The following KDM6A variants were observed in gnomAD, a reference collection of about 807,000 sequenced individuals.
KDM6A encodes lysine demethylase 6A, also known as lysine-specific demethylase 6A.
Under a neutral mutation model 117.6 loss-of-function variants are expected in KDM6A, and 11 were observed. That is an observed-to-expected ratio of 0.09 (90% CI 0.06 to 0.15). The LOEUF is 0.15. Ranked by LOEUF, KDM6A falls within the 10% of genes least tolerant of loss-of-function variation. The probability of loss-of-function intolerance (pLI) is 1.00; values close to 1 mark genes in which losing one functional copy is unlikely to be tolerated. For missense variants in KDM6A, 799 were observed against 1,077.3 expected, an observed-to-expected ratio of 0.74 and a Z score of 3.62; for synonymous variants, 384 against 396.1, an observed-to-expected ratio of 0.97 and a Z score of 0.36.
Position 44,888,442 on chromosome X carries a change from G to T in KDM6A, c.225+14455G>T, listed in dbSNP as rs188080238. Among the ~76,000 whole-genome samples, 7 of 112,500 alleles carry T rather than the reference G, an allele frequency of 6.2e-5. No individual in the cohort carries two copies. In the East Asian group the frequency reaches 1.7e-3, roughly 27 times the overall value. On this transcript the variant is annotated intron_variant, in intron 2 of 29. Transcript: ENST00000611820. ...TAGGAATTTCCAAAATGACTGTATA[G>T]CACCACAATTTTGTAGCTAGTTTTT... is the stretch of plus-strand genomic sequence containing the variant.
chrX:44,898,135 A>G (rs1255353377), intron 2 of KDM6A, among the ~76,000 whole-genome samples: 2 of 111,546 alleles, frequency 1.8e-5, no homozygotes, highest in African/African-American at 3.3e-5. Flanking sequence ...CTGACGGGCC[A>G]TGCTGCCTCA....
At chrX:45,077,621 G>A (rs1298606177) in intron 19 of KDM6A, among the ~76,000 whole-genome samples, 1 of 109,795 alleles carries the variant, frequency 9.1e-6, no homozygotes, top group Admixed American at 9.7e-5. Context: ...GGAAGCACTG[G>A]GATAGACATG....
chrX:44,914,986 A>G (rs2035461096), intron 2 of KDM6A, among the ~76,000 whole-genome samples: 1 of 111,144 alleles, frequency 9.0e-6, no homozygotes, highest in African/African-American at 3.3e-5. Context: ...CTACATTTAC[A>G]TTCTGTGTTG....
At chrX:44,881,823 C>G (rs73488821) in intron 2 of KDM6A, among the ~76,000 whole-genome samples, 23,686 of 108,516 alleles carry the variant, frequency 0.22, 4,328 homozygotes, top group African/African-American at 0.61. Flanking sequence ...GAGTAGCTGA[C>G]ATTACAGGTG....
At chrX:45,092,390 C>T (rs2045927312) in intron 27 of KDM6A, among the ~76,000 whole-genome samples, 1 of 111,668 alleles carries the variant, frequency 9.0e-6, no homozygotes, top group Non-Finnish European at 1.9e-5. Context: ...ATAGTAATCT[C>T]ATCTGTATTC....
chrX:44,979,977 A>ATTTTTTT (rs1310004295), intron 4 of KDM6A, among the ~76,000 whole-genome samples: 2 of 90,772 alleles, frequency 2.2e-5, no homozygotes, highest in Admixed American at 1.3e-4. Context: ...TCCCTGTATT[A>ATTTTTTT]TTTTTTTCTT....
At chrX:44,911,471 C>T (rs1202203003) in intron 2 of KDM6A, among the ~76,000 whole-genome samples, 7 of 109,536 alleles carry the variant, frequency 6.4e-5, no homozygotes, top group African/African-American at 1.0e-4. Flanking sequence ...AGACGATGGG[C>T]GGCCAGGCAG....
chrX:44,933,520 G>C (rs2036790028), intron 2 of KDM6A, among the ~76,000 whole-genome samples: 2 of 107,568 alleles, frequency 1.9e-5, no homozygotes, highest in African/African-American at 6.8e-5. Context: ...TGATCCGCTA[G>C]TCTCAGCCTC....
chrX:44,951,236 A>G (rs1034629946), intron 2 of KDM6A, among the ~76,000 whole-genome samples: 2 of 111,615 alleles, frequency 1.8e-5, no homozygotes, highest in African/African-American at 6.5e-5. Context: ...CGAGTGTTCA[A>G]TTTCCTTAGG....
At chrX:44,921,913 A>G (rs1248067744) in intron 2 of KDM6A, among the ~76,000 whole-genome samples, 1 of 108,271 alleles carries the variant, frequency 9.2e-6, no homozygotes, top group Admixed American at 1.0e-4. Context: ...ATTCCTACTA[A>G]CAATGTATGA....
chrX:44,912,886 T>C (rs2035298840), intron 2 of KDM6A, among the ~76,000 whole-genome samples: 1 of 112,484 alleles, frequency 8.9e-6, no homozygotes, highest in Non-Finnish European at 1.9e-5. Context: ...TACATGATTG[T>C]GCTAAGAATA....
intron 2 of KDM6A, among the ~76,000 whole-genome samples, chrX:44,909,103 C>T (rs896722650): frequency 9.0e-6 from 1 of 111,526 alleles, no homozygotes; most frequent in Non-Finnish European, 1.9e-5. Context: ...TAGTTAATAC[C>T]TTTATCTTCC....
intron 14 of KDM6A, 47 bp downstream of exon 14, chrX:45,060,811 C>T: frequency 2.3e-6 from 2 of 860,385 alleles, no homozygotes; most frequent in Non-Finnish European, 3.1e-6. Context: ...AAAGAAGTTT[C>T]AGCTGCCCTG....
intron 6 of KDM6A, among the ~76,000 whole-genome samples, chrX:45,034,120 C>T (rs956310603): frequency 7.2e-5 from 8 of 110,871 alleles, no homozygotes; most frequent in Non-Finnish European, 1.5e-4. Context: ...GAGATTTACT[C>T]ATCTTTTTTA....
At chrX:44,988,884 C>T (rs1001153414) in intron 4 of KDM6A, among the ~76,000 whole-genome samples, 1 of 110,706 alleles carries the variant, frequency 9.0e-6, no homozygotes, top group Non-Finnish European at 1.9e-5. Flanking sequence ...GCAGTCTGTC[C>T]GTTCTCAGAT....
At chrX:44,919,641 C>CTTTTT (rs1204126878) in intron 2 of KDM6A, among the ~76,000 whole-genome samples, 2 of 91,582 alleles carry the variant, frequency 2.2e-5, no homozygotes, top group African/African-American at 4.4e-5. Context: ...CAATATATAT[C>CTTTTT]TTTTTTTTTT....
intron 2 of KDM6A, among the ~76,000 whole-genome samples, chrX:44,949,900 G>A (rs1007303923): frequency 1.8e-5 from 2 of 111,563 alleles, no homozygotes; most frequent in Non-Finnish European, 3.8e-5. Context: ...AATGTGTGCA[G>A]CTTAAATGAC....
intron 8 of KDM6A, among the ~76,000 whole-genome samples, chrX:45,044,072 A>G (rs944636638): frequency 8.9e-6 from 1 of 112,290 alleles, no homozygotes; most frequent in Non-Finnish European, 1.9e-5. Context: ...GCAAGAGGCT[A>G]TACCATATAG....
At position 45,070,230 on chromosome X, in the gene KDM6A, A is replaced by C. The variant is rs1278570044; in HGVS notation, c.2731A>C (p.Met911Leu). The change falls in exon 18 of 30, where the codon ATG becomes CTG. Residue 911 changes from methionine (M) to leucine (L), a missense_variant. Met to Leu is a conservative substitution (Grantham distance 15). This residue lies in a region of KDM6A where 291 missense variants were observed against 437.9 expected (regional missense o/e 0.66). Transcript: ENST00000611820. ...GCTACACACAATTAATGGAGAAGGG[A>C]TGGAAGAATCTCAGAGCCCCATGAA... Reference protein sequence around the residue: ...SGLHTINGEGMEESQSPMKTD... With the variant: ...SGLHTINGEGLEESQSPMKTD... 1.3e-5 allele frequency: 16 copies of C among 1,210,804 alleles called. No individual in the cohort carries two copies. Among genetic ancestry groups the C allele is most frequent in the Non-Finnish European group, 1.7e-5 (15 of 894,722 alleles).
Sources: allele counts gnomAD v4.1 joint callset (sites outside exome capture counted in the v4.1 genomes callset), GRCh38; gene constraint gnomAD v4.1.1; regional missense constraint gnomAD v4.1.1; transcripts MANE v1.5; gene names NCBI Gene and HGNC (gene_info 2026-07-23, HGNC 2026-07-21).